FREM3: variants seen among roughly 807,000 people sequenced by gnomAD.
FREM3 encodes the protein FRAS1 related extracellular matrix 3, also known as FRAS1-related extracellular matrix protein 3.
Under a neutral mutation model 129.1 loss-of-function variants are expected in FREM3, and 105 were observed. The ratio of observed to expected loss-of-function variants is 0.81; its 90% CI spans 0.69 to 0.96. The LOEUF (loss-of-function observed/expected upper bound fraction) is 0.96, where lower values mean the gene tolerates loss of function less well. Among genes scored for constraint, FREM3 ranks in the 40% least tolerant of loss-of-function variants. The pLI is 0.00. For missense variants in FREM3, 2,593 were observed against 2,666.3 expected (o/e 0.97, Z 0.61); for synonymous variants, 1,014 against 1,044.9 (o/e 0.97, Z 0.57).
intron 6 of FREM3, among the ~76,000 whole-genome samples, chr4:143,592,804 A>C (rs1286952018): frequency 6.6e-6 from 1 of 152,182 alleles, no homozygotes; most frequent in Admixed American, 6.5e-5. Context: ...AGATTGGGGA[A>C]GTTCTCCTGG....
At chr4:143,647,235 G>T (rs1291389057) in intron 2 of FREM3, among the ~76,000 whole-genome samples, 4 of 117,972 alleles carry the variant, frequency 3.4e-5, no homozygotes, top group African/African-American at 1.1e-4. Flanking sequence ...GATTTAAGAT[G>T]TCTGGCAGAA....
intron 2 of FREM3, among the ~76,000 whole-genome samples, chr4:143,680,125 A>T (rs904892971): frequency 1.3e-5 from 2 of 152,156 alleles, no homozygotes; most frequent in Admixed American, 1.3e-4. Context: ...AAAAAAAAGC[A>T]AAAGGAAATA....
At position 143,586,117 on chromosome 4, in the gene FREM3, G is replaced by GTT. The variant is rs111849944; in HGVS notation, c.6029-126_6029-125dup. On this transcript the variant is annotated intron_variant, in intron 6 of 7. Coordinates refer to ENST00000329798, the MANE Select transcript of FREM3 (RefSeq NM_001168235.2). ...AGACATGACAGATCCCATAGGTCTT[G>GTT]TTTTTTTATATAGCTCAGGGAGAAC... The GTT allele has an allele frequency of 6.7e-6, 6 of 899,038 alleles. No homozygotes were observed. The East Asian group carries it at 8.2e-5, about 12-fold the overall frequency. 55.7% of individuals were successfully genotyped at this position (899,038 alleles called of 1,614,324 possible). A position where few individuals can be genotyped will look rare whatever the true frequency, so the allele number is the denominator to read the frequency against.
intron 2 of FREM3, among the ~76,000 whole-genome samples, chr4:143,646,686 G>A (rs1739423788): frequency 6.6e-6 from 1 of 152,176 alleles, no homozygotes; most frequent in Admixed American, 6.5e-5. Context: ...GCAGAACTGT[G>A]AATCAATTAA....
At position 143,677,444 on chromosome 4, in the gene FREM3, A is replaced by G. The variant is rs182802180; in HGVS notation, c.5275+15669T>C. ...AAACCAAAAGCCATAAAAACCCTAG[A>G]AGAAAACCTAGGCAATACCATTCAG... On this transcript the variant is annotated intron_variant, in intron 2 of 7. Transcript: ENST00000329798. 1.5e-3 allele frequency among the ~76,000 whole-genome samples: 221 copies of G among 152,352 alleles called. 1 individual carries two copies. The highest frequency in any genetic ancestry group is 5.0e-3 in the African/African-American group (207 of 41,578).
intron 2 of FREM3, among the ~76,000 whole-genome samples, chr4:143,677,250 C>T (rs930085867): frequency 3.8e-4 from 58 of 152,166 alleles, no homozygotes; most frequent in Non-Finnish European, 2.9e-5. Context: ...ACATCTACAA[C>T]TATCTGATCT....
intron 2 of FREM3, among the ~76,000 whole-genome samples, chr4:143,647,907 C>T (rs1303830144): frequency 6.6e-6 from 1 of 152,126 alleles, no homozygotes; most frequent in African/African-American, 2.4e-5. Flanking sequence ...TCCTCCAGTC[C>T]CCAGAATGGT....
intron 2 of FREM3, among the ~76,000 whole-genome samples, chr4:143,664,352 C>G (rs1399254909): frequency 6.6e-6 from 1 of 152,112 alleles, no homozygotes; most frequent in Non-Finnish European, 1.5e-5. Context: ...GAGGTCCACT[C>G]CAGACCCTGT....
intron 2 of FREM3, among the ~76,000 whole-genome samples, chr4:143,639,747 A>G (rs1265239645): frequency 6.6e-6 from 1 of 152,178 alleles, no homozygotes; most frequent in Non-Finnish European, 1.5e-5. Flanking sequence ...GTGTAATCTT[A>G]ACATTGACTG....
chr4:143,620,320 C>T (rs898563890), intron 5 of FREM3, among the ~76,000 whole-genome samples: 3 of 152,188 alleles, frequency 2.0e-5, no homozygotes, highest in Non-Finnish European at 2.9e-5. Flanking sequence ...CCTGTTGGGG[C>T]GAGTCTCTGC....
chr4:143,635,512 C>T (rs1341517951), intron 2 of FREM3, among the ~76,000 whole-genome samples: 1 of 152,180 alleles, frequency 6.6e-6, no homozygotes, highest in African/African-American at 2.4e-5. Context: ...TAGATACCAA[C>T]AGCATTCCCT....
At chr4:143,665,521 A>C (rs1739843608) in intron 2 of FREM3, among the ~76,000 whole-genome samples, 1 of 152,102 alleles carries the variant, frequency 6.6e-6, no homozygotes, top group Non-Finnish European at 1.5e-5. Context: ...GCCATTTCTG[A>C]AATTCAGCCC....
chr4:143,687,530 A>G (rs542116142), intron 2 of FREM3, among the ~76,000 whole-genome samples: 108 of 152,300 alleles, frequency 7.1e-4, no homozygotes, highest in African/African-American at 2.4e-3. Context: ...GCATCACCCT[A>G]TTACCAAAAC....
chr4:143,655,646 G>A (rs893661901), intron 2 of FREM3, among the ~76,000 whole-genome samples: 1 of 152,148 alleles, frequency 6.6e-6, no homozygotes, highest in Non-Finnish European at 1.5e-5. Context: ...CTCCATTGAG[G>A]AAATACCATT....
Position 143,698,310 on chromosome 4 carries a change from G to C in FREM3, c.2366C>G (p.Pro789Arg). 1 of 1,537,748 alleles carries C rather than the reference G, an allele frequency of 6.5e-7. No individual in the cohort carries two copies. The highest frequency in any genetic ancestry group is 8.7e-7 in the Non-Finnish European group (1 of 1,147,032). Residue 789 changes from proline (P) to arginine (R), a missense_variant, in exon 1 of 8, where the codon CCT becomes CGT. By Grantham distance (103) the Pro-to-Arg change is moderately radical. Around this residue, in one of 2 missense-constraint regions of FREM3, gnomAD observed 2,276 missense variants for 2,267.2 expected, o/e 1.00. Transcript: ENST00000329798. ...TGGTGCAATACCCAATTTCTGTGGA[G>C]GCTGGTAGGCAACTTTATGCTGATT... ...QVNQHKVAYQPPQKLGIAPRV... is the reference protein window; with the variant it reads ...QVNQHKVAYQRPQKLGIAPRV...
chr4:143,650,557 CAT>C (rs1739493179), intron 2 of FREM3, among the ~76,000 whole-genome samples: 1 of 152,194 alleles, frequency 6.6e-6, no homozygotes. Context: ...GTGGCACACT[CAT>C]AGCTCACTGC....
intron 7 of FREM3, among the ~76,000 whole-genome samples, chr4:143,578,433 G>A (rs1738077977): frequency 6.6e-6 from 1 of 151,712 alleles, no homozygotes; most frequent in Admixed American, 6.6e-5. Context: ...ATAATCAATG[G>A]AATTAAATAG....
chr4:143,644,121 C>A (rs976363285), intron 2 of FREM3, among the ~76,000 whole-genome samples: 3 of 151,968 alleles, frequency 2.0e-5, no homozygotes, highest in Non-Finnish European at 4.4e-5. Flanking sequence ...AGAGAACAAT[C>A]CAGGCTCTTG....
chr4:143,697,460 G>T lies in FREM3; in HGVS notation c.3216C>A (p.Val1072=), dbSNP rs564668095. ...AGACAATGAAGGACTCCCCGACGAA[G>T]ACCTTGGGTCCCACATTGTCCACAG... ...VLPVDNVGPK[V]FVGESFIVYE... Residue 1072 remains valine, a synonymous_variant, in exon 1 of 8, where the codon GTC becomes GTA. Transcript: ENST00000329798. 2.0e-6 allele frequency: 3 copies of T among 1,537,234 alleles called. No homozygotes were observed. The highest frequency in any genetic ancestry group is 2.7e-5 in the African/African-American group (2 of 73,160).
Sources: allele counts gnomAD v4.1 joint callset (sites outside exome capture counted in the v4.1 genomes callset), GRCh38; gene constraint gnomAD v4.1.1; regional missense constraint gnomAD v4.1.1; transcripts MANE v1.5; gene names NCBI Gene and HGNC (gene_info 2026-07-23, HGNC 2026-07-21).